KIAA1958: variants seen among roughly 807,000 people sequenced by gnomAD.
KIAA1958 encodes KIAA1958, also known as uncharacterized protein KIAA1958.
KIAA1958 carries 14 observed loss-of-function variants against 47.2 expected under a neutral mutation model. The ratio of observed to expected loss-of-function variants is 0.30; its 90% CI spans 0.20 to 0.46. The LOEUF is 0.46. KIAA1958 is among the 20% of genes least tolerant of loss of function. The pLI is 1.00. For missense variants in KIAA1958, 803 were observed against 909.2 expected, an observed-to-expected ratio of 0.88 and a Z score of 1.50; for synonymous variants, 354 against 353.3, an observed-to-expected ratio of 1.00 and a Z score of -0.02.
In KIAA1958 at chr9:112,659,304, T is replaced by C. The variant is rs757713636; in HGVS notation, c.1386T>C (p.Tyr462=). ...TGAACGAGCTGCTCGAGAACTTTTATGTCACCGTCAAGAAGAGCGACGGCT... is the reference window on the plus strand; with the variant it reads ...TGAACGAGCTGCTCGAGAACTTTTACGTCACCGTCAAGAAGAGCGACGGCT... ...VKLNELLENF[Y]VTVKKSDGSD... is the part of the protein sequence containing the mutation. The change falls in exon 4 of 4, where the codon TAT becomes TAC. Residue 462 remains tyrosine, a synonymous_variant. Transcript: ENST00000337530. 4 of 1,613,798 alleles carry C rather than the reference T, an allele frequency of 2.5e-6. No individual in the cohort carries two copies. The African/African-American group carries it at 4.0e-5, about 16-fold the overall frequency.
intron 2 of KIAA1958, among the ~76,000 whole-genome samples, chr9:112,598,080 A>C (rs1836063895): frequency 6.6e-6 from 1 of 152,140 alleles, no homozygotes; most frequent in South Asian, 2.1e-4. Context: ...AAAAGCGGAG[A>C]ATTTGTTGGC....
chr9:112,580,997 C>T (rs938670809), intron 2 of KIAA1958, among the ~76,000 whole-genome samples: 1 of 152,152 alleles, frequency 6.6e-6, no homozygotes, highest in Non-Finnish European at 1.5e-5. Flanking sequence ...TGGCAGGCAG[C>T]TCTGGGCTGA....
In KIAA1958 at chr9:112,574,803, C is replaced by T. The variant is rs373746794; in HGVS notation, c.723C>T (p.His241=). 164 of 1,614,008 alleles carry T rather than the reference C, an allele frequency of 1.0e-4. No homozygotes were observed. Among genetic ancestry groups the T allele is most frequent in the Non-Finnish European group, 1.3e-4 (152 of 1,179,998 alleles). The change falls in exon 2 of 4, where the codon CAC becomes CAT. Residue 241 remains histidine, a synonymous_variant. Coordinates refer to ENST00000337530, the MANE Select transcript of KIAA1958 (RefSeq NM_133465.4). ...TGGCAAAACCCAAGCCTCAGACTCA[C>T]GCTGGTCCCTCCTGTGTAGGGTCTG... ...TQMAKPKPQT[H]AGPSCVGSAK...
intron 2 of KIAA1958, among the ~76,000 whole-genome samples, chr9:112,634,453 A>G (rs1836766379): frequency 1.3e-5 from 2 of 151,226 alleles, no homozygotes; most frequent in South Asian, 4.2e-4. Flanking sequence ...CTGGTCTTGA[A>G]CTCCTGACCT....
rs775901317 is a variant in KIAA1958 at position 112,646,574 on chromosome 9, C to T, written c.1344+752C>T. ...ATTTGTAAAATGAGCTCTTAAATTT[C>T]TTCCAACTTGAAAGCCAGGGGTACT... On this transcript the variant is annotated intron_variant, in intron 3 of 3. Coordinates refer to ENST00000337530, the MANE Select transcript of KIAA1958 (RefSeq NM_133465.4). Among the ~76,000 whole-genome samples, 3 of 152,164 alleles carry T rather than the reference C, an allele frequency of 2.0e-5. No homozygotes were observed. The East Asian group carries it at 5.8e-4, about 29-fold the overall frequency.
chr9:112,589,762 G>T (rs1291157918), intron 2 of KIAA1958, among the ~76,000 whole-genome samples: 1 of 152,198 alleles, frequency 6.6e-6, no homozygotes, highest in Admixed American at 6.5e-5. Context: ...TGGTCAGCAG[G>T]CCTCCAGTGA....
intron 1 of KIAA1958, among the ~76,000 whole-genome samples, chr9:112,550,612 G>A (rs1197192852): frequency 6.6e-6 from 1 of 152,130 alleles, no homozygotes; most frequent in African/African-American, 2.4e-5. Context: ...AAAGGCAGAC[G>A]GATGAAGTCC....
chr9:112,548,604 G>A (rs780364677), intron 1 of KIAA1958, among the ~76,000 whole-genome samples: 15 of 152,210 alleles, frequency 9.9e-5, no homozygotes, highest in South Asian at 6.2e-4. Context: ...TAGATTTTGA[G>A]CTACTAGATT....
At chr9:112,641,370 A>G (rs1836886795) in intron 2 of KIAA1958, among the ~76,000 whole-genome samples, 1 of 129,708 alleles carries the variant, frequency 7.7e-6, no homozygotes, top group Non-Finnish European at 1.7e-5. Flanking sequence ...TATAGATGAG[A>G]AATCTGATTC....
chr9:112,615,419 C>CAAA (rs35748661), intron 2 of KIAA1958, among the ~76,000 whole-genome samples: 19 of 103,504 alleles, frequency 1.8e-4, no homozygotes, highest in African/African-American at 5.3e-4. Flanking sequence ...GGCTCCGTCT[C>CAAA]AAAAAAAAAA....
intron 1 of KIAA1958, among the ~76,000 whole-genome samples, chr9:112,555,786 A>G (rs1185536136): frequency 2.6e-5 from 4 of 152,166 alleles, no homozygotes; most frequent in Admixed American, 6.5e-5. Flanking sequence ...AAAAGCCTTC[A>G]CTTCTTGACC....
intron 2 of KIAA1958, among the ~76,000 whole-genome samples, chr9:112,629,402 T>C (rs1345702511): frequency 6.6e-6 from 1 of 152,212 alleles, no homozygotes; most frequent in African/African-American, 2.4e-5. Context: ...TTCACTCAAA[T>C]CATATTTTAC....
At position 112,553,870 on chromosome 9, in the gene KIAA1958, G is replaced by A. The variant is rs1182196847; in HGVS notation, c.-24-20187G>A. Among the ~76,000 whole-genome samples, 4 of 152,194 alleles carry A rather than the reference G, an allele frequency of 2.6e-5. No individual in the cohort carries two copies. In the East Asian group the frequency reaches 7.7e-4, roughly 29 times the overall value. ...TATTTTTTGTGCACATTGTTCACAAGGCCTGATAAGTGTTCAAGAAATATT... is the reference window on the plus strand; with the variant it reads ...TATTTTTTGTGCACATTGTTCACAAAGCCTGATAAGTGTTCAAGAAATATT... On this transcript the variant is annotated intron_variant, in intron 1 of 3. Coordinates refer to ENST00000337530, the MANE Select transcript of KIAA1958 (RefSeq NM_133465.4).
chr9:112,524,638 G>A (rs560512725), intron 1 of KIAA1958, among the ~76,000 whole-genome samples: 1 of 152,308 alleles, frequency 6.6e-6, no homozygotes, highest in East Asian at 1.9e-4. Flanking sequence ...TCTTTCTGTA[G>A]TGATGGGAAT....
chr9:112,622,515 A>G (rs1836526858), intron 2 of KIAA1958, among the ~76,000 whole-genome samples: 1 of 152,182 alleles, frequency 6.6e-6, no homozygotes, highest in African/African-American at 2.4e-5. Context: ...AAGTTAAGAG[A>G]TAGGATATTT....
chr9:112,510,850 A>G (rs1056027476), intron 1 of KIAA1958, among the ~76,000 whole-genome samples: 2 of 152,114 alleles, frequency 1.3e-5, no homozygotes, highest in Non-Finnish European at 2.9e-5. Flanking sequence ...GGAGACACTT[A>G]TGCAGATCTA....
chr9:112,606,127 A>G (rs1234663609), intron 2 of KIAA1958, among the ~76,000 whole-genome samples: 2 of 152,178 alleles, frequency 1.3e-5, no homozygotes, highest in African/African-American at 4.8e-5. Context: ...TAGGTGTAGC[A>G]GAAAGGGAGA....
chr9:112,562,553 C>G (rs1835352222), intron 1 of KIAA1958, among the ~76,000 whole-genome samples: 1 of 152,172 alleles, frequency 6.6e-6, no homozygotes. Flanking sequence ...TCTAGAAAGC[C>G]TAATGTGATC....
At chr9:112,591,516 T>C (rs551896275) in intron 2 of KIAA1958, among the ~76,000 whole-genome samples, 18 of 152,196 alleles carry the variant, frequency 1.2e-4, no homozygotes, top group Non-Finnish European at 2.1e-4. Flanking sequence ...TTTATAGAAG[T>C]ATTTATTTTT....
Sources: allele counts gnomAD v4.1 joint callset (sites outside exome capture counted in the v4.1 genomes callset), GRCh38; gene constraint gnomAD v4.1.1; transcripts MANE v1.5; gene names NCBI Gene and HGNC (gene_info 2026-07-23, HGNC 2026-07-21).